Variants in GHR observed in about 807,000 individuals in gnomAD.
The protein encoded by GHR is GH receptor.
In GHR, 35 loss-of-function variants were observed where a neutral mutation model predicts 67.1. The ratio of observed to expected loss-of-function variants is 0.52; its 90% CI spans 0.40 to 0.69. GHR has a LOEUF of 0.69. GHR is among the 30% of genes least tolerant of loss of function. The pLI is 0.00. For missense variants in GHR, 792 were observed against 764.6 expected, an observed-to-expected ratio of 1.04 and a Z score of -0.42; for synonymous variants, 272 against 269.1, an observed-to-expected ratio of 1.01 and a Z score of -0.10.
intron 1 of GHR, among the ~76,000 whole-genome samples, chr5:42,477,173 G>C (rs1196736785): frequency 6.6e-6 from 1 of 151,540 alleles, no homozygotes; most frequent in Non-Finnish European, 1.5e-5. Context: ...GAGAATGATG[G>C]TTTCCAGTTT....
At chr5:42,611,869 T>C (rs1461971398) in intron 2 of GHR, among the ~76,000 whole-genome samples, 1 of 152,150 alleles carries the variant, frequency 6.6e-6, no homozygotes, top group African/African-American at 2.4e-5. Flanking sequence ...CATTGGACTC[T>C]CAACCAATTT....
intron 2 of GHR, among the ~76,000 whole-genome samples, chr5:42,590,108 C>CAT (rs2112589869): frequency 6.6e-6 from 1 of 152,266 alleles, no homozygotes; most frequent in Admixed American, 6.5e-5. Context: ...GAATGAGGAA[C>CAT]ATATAAAATG....
At chr5:42,488,302 GA>G (rs1254971938) in intron 1 of GHR, among the ~76,000 whole-genome samples, 20 of 152,206 alleles carry the variant, frequency 1.3e-4, no homozygotes, top group Middle Eastern at 3.4e-3. Flanking sequence ...TTATAGATGG[GA>G]AAACTGAGGT....
chr5:42,653,950 A>C (rs536870126), intron 3 of GHR, among the ~76,000 whole-genome samples: 1 of 152,292 alleles, frequency 6.6e-6, no homozygotes, highest in Admixed American at 6.5e-5. Context: ...CAGTGTTGTA[A>C]GAGTTATTTT....
intron 1 of GHR, among the ~76,000 whole-genome samples, chr5:42,537,959 T>C (rs566089549): frequency 6.6e-6 from 1 of 152,318 alleles, no homozygotes; most frequent in South Asian, 2.1e-4. Context: ...TTGTTTTGTC[T>C]GATACAAGAA....
Position 42,618,085 on chromosome 5 carries a change from C to CA in GHR, c.71-10946dup, listed in dbSNP as rs1753258848. Among the ~76,000 whole-genome samples, 11 of 151,958 alleles carry CA rather than the reference C, an allele frequency of 7.2e-5. 1 individual carries two copies. In the South Asian group the frequency reaches 2.3e-3, roughly 32 times the overall value. On this transcript the variant is annotated intron_variant, in intron 2 of 9. Coordinates refer to ENST00000230882, the MANE Select transcript of GHR (RefSeq NM_000163.5). The stretch of plus-strand genomic sequence containing the variant: ...GAGCCGAGAACTTCAGAAGGCACAA[C>CA]AAAAAAAGGGCAAAGTTCAAAAAAC...
At chr5:42,659,941 G>A (rs551102832) in intron 3 of GHR, among the ~76,000 whole-genome samples, 24 of 151,716 alleles carry the variant, frequency 1.6e-4, no homozygotes, top group East Asian at 1.6e-3. Flanking sequence ...AAAAAACGGC[G>A]CACCAGGAGA....
chr5:42,649,391 A>G (rs554566515), intron 3 of GHR, among the ~76,000 whole-genome samples: 1 of 152,346 alleles, frequency 6.6e-6, no homozygotes, highest in African/African-American at 2.4e-5. Flanking sequence ...AATGGAATAC[A>G]GAGTACTTTT....
intron 1 of GHR, among the ~76,000 whole-genome samples, chr5:42,441,552 C>T (rs1173415514): frequency 6.6e-6 from 1 of 151,974 alleles, no homozygotes; most frequent in Non-Finnish European, 1.5e-5. Context: ...CCATGTCGCC[C>T]AGGCTGGAGT....
At chr5:42,467,510 G>A (rs751484297) in intron 1 of GHR, 7 of 1,160,036 alleles carry the variant, frequency 6.0e-6, no homozygotes, top group Non-Finnish European at 9.0e-6. Flanking sequence ...CGAGCAAGTT[G>A]TGAGCTATAA....
In GHR at chr5:42,539,913, A is replaced by G. The variant is rs148931069; in HGVS notation, c.-11-25951A>G. Among the ~76,000 whole-genome samples, 339 of 152,290 alleles carry G rather than the reference A, an allele frequency of 2.2e-3. 1 individual carries two copies. Among genetic ancestry groups the G allele is most frequent in the African/African-American group, 7.8e-3 (324 of 41,564 alleles). ...AATTTCACTGTTTTTGCTATTAAGT[A>G]TGATATTAAGTACGCTATTAAGTAC... On this transcript the variant is annotated intron_variant, in intron 1 of 9. Coordinates refer to ENST00000230882, the MANE Select transcript of GHR (RefSeq NM_000163.5).
chr5:42,686,768 A>T (rs1757169028), intron 3 of GHR, among the ~76,000 whole-genome samples: 1 of 152,210 alleles, frequency 6.6e-6, no homozygotes. Context: ...AAACCGGCAT[A>T]AGAAAAGAAT....
intron 3 of GHR, among the ~76,000 whole-genome samples, chr5:42,680,805 C>T (rs1756824437): frequency 6.6e-6 from 1 of 151,724 alleles, no homozygotes; most frequent in Non-Finnish European, 1.5e-5. Context: ...GCTCCCAGCC[C>T]CAAACATGAT....
chr5:42,468,372 A>G, intron 1 of GHR: 1 of 1,336,446 alleles, frequency 7.5e-7, no homozygotes, highest in Non-Finnish European at 1.0e-6. Context: ...TGCCCAGCAC[A>G]GGTCAAACCC....
intron 1 of GHR, among the ~76,000 whole-genome samples, chr5:42,529,657 C>T (rs1031087141): frequency 9.2e-5 from 14 of 152,090 alleles, no homozygotes; most frequent in African/African-American, 1.4e-4. Context: ...CGCCCTATCA[C>T]GGACACAGCT....
chr5:42,598,439 A>G (rs1752195844), intron 2 of GHR, among the ~76,000 whole-genome samples: 1 of 152,222 alleles, frequency 6.6e-6, no homozygotes, highest in Non-Finnish European at 1.5e-5. Flanking sequence ...AAGTTAGTGC[A>G]CAGGCTGCTG....
chr5:42,566,705 C>T (rs1014196365), intron 2 of GHR, among the ~76,000 whole-genome samples: 6 of 150,612 alleles, frequency 4.0e-5, no homozygotes, highest in Non-Finnish European at 8.9e-5. Flanking sequence ...GATGTTTTTC[C>T]TTGCCTGGGC....
chr5:42,460,067 T>C (rs1233227240), intron 1 of GHR, among the ~76,000 whole-genome samples: 1 of 152,176 alleles, frequency 6.6e-6, no homozygotes, highest in Non-Finnish European at 1.5e-5. Flanking sequence ...TCTCCAATCC[T>C]ATAGAGTTGG....
chr5:42,645,191 A>G (rs1277453599), intron 3 of GHR, among the ~76,000 whole-genome samples: 2 of 152,230 alleles, frequency 1.3e-5, no homozygotes, highest in Non-Finnish European at 2.9e-5. Flanking sequence ...AGTGGCAAGG[A>G]AAAATAAATG....
Sources: gnomAD v4.1 joint callset for allele counts (sites outside exome capture counted in the v4.1 genomes callset) on GRCh38, gnomAD v4.1.1 for gene constraint, MANE v1.5 for transcripts, NCBI Gene and HGNC (gene_info 2026-07-23, HGNC 2026-07-21) for gene names.